The following CFLAR variants were observed in gnomAD, a reference collection of about 807,000 sequenced individuals.
CFLAR encodes CASP8 and FADD like apoptosis regulator, also known as CASP8 and FADD-like apoptosis regulator.
A neutral mutation model predicts 51.1 loss-of-function variants in CFLAR; 14 were observed. The ratio of observed to expected loss-of-function variants is 0.27; its 90% CI spans 0.18 to 0.43. The LOEUF (loss-of-function observed/expected upper bound fraction) is 0.43. CFLAR is among the 20% of genes least tolerant of loss of function. The pLI is 1.00. For missense variants in CFLAR, 390 were observed against 566.5 expected, an observed-to-expected ratio of 0.69 and a Z score of 3.16; for synonymous variants, 210 against 211.6, an observed-to-expected ratio of 0.99 and a Z score of 0.06.
chr2:201,120,029 T>C (rs1005151433), intron 1 of CFLAR, among the ~76,000 whole-genome samples: 5 of 147,626 alleles, frequency 3.4e-5, no homozygotes, highest in Non-Finnish European at 7.5e-5. Flanking sequence ...TTTTCTTTTT[T>C]TTTTTTTTTT....
At chr2:201,137,980 T>C in intron 4 of CFLAR, 1 of 748,368 alleles carries the variant, frequency 1.3e-6, no homozygotes, top group Non-Finnish European at 2.5e-6. Flanking sequence ...TCGGCTATGA[T>C]GGGCACACCA....
chr2:201,143,085 T>C (rs898151395), intron 5 of CFLAR, among the ~76,000 whole-genome samples: 2 of 152,238 alleles, frequency 1.3e-5, no homozygotes, highest in African/African-American at 4.8e-5. Context: ...ATTTTTACTA[T>C]TGTGTTTCTA....
rs532575475 is a variant in CFLAR, at chr2:201,138,562, G to C, written c.524-1795G>C. On this transcript the variant is annotated intron_variant, in intron 4 of 9. Transcript: ENST00000309955. This position sits in a 1 kb window ranked among gnomAD's most constrained non-coding sequence, Gnocchi z 4.0. ...AGGGTGGTGTGGTCCTTCTCAGCAA[G>C]AAAGTCGATGTCTCGGGAGGTGACG... The C allele has an allele frequency of 4.1e-4, 662 of 1,595,860 alleles. 3 individuals are homozygous for C. The African/African-American group carries it at 7.5e-3, about 18-fold the overall frequency.
Position 201,140,406 on chromosome 2 carries a change from A to G in CFLAR, c.573A>G (p.Gln191=). Residue 191 remains glutamine (Q), a synonymous_variant, in exon 5 of 10, where the codon CAA becomes CAG. Transcript: ENST00000309955. ...GGAATGTTCTCCAAGCAGCAATCCA[A>G]AAGAGTCTCAAGGATCCTTCAAATA... is the stretch of plus-strand genomic sequence containing the variant. ...SYRNVLQAAI[Q]KSLKDPSNNF... 1 of 1,610,704 alleles carries G rather than the reference A, an allele frequency of 6.2e-7. No individual in the cohort carries two copies. Among genetic ancestry groups the G allele is most frequent in the Non-Finnish European group, 8.5e-7 (1 of 1,179,280 alleles).
chr2:201,149,851 G>T lies in CFLAR; in HGVS notation c.793+16G>T, dbSNP rs1202205565. On this transcript the variant is annotated intron_variant, in intron 8 of 9. Coordinates refer to ENST00000309955, the MANE Select transcript of CFLAR (RefSeq NM_003879.7). Reference sequence around the variant, plus strand: ...AATGAGACAGGTAGGTGTGGAAGCTGCAGATTAACTGGTGCCCCCAGATTG... The same window carrying T: ...AATGAGACAGGTAGGTGTGGAAGCTTCAGATTAACTGGTGCCCCCAGATTG... 1.3e-6 allele frequency: 2 copies of T among 1,593,370 alleles called. No individual in the cohort carries two copies. Among genetic ancestry groups the T allele is most frequent in the Non-Finnish European group, 1.7e-6 (2 of 1,161,288 alleles).
In CFLAR at chr2:201,167,149, A is replaced by G. The variant is rs1943679065; in HGVS notation, c.*3176A>G. 6.6e-6 allele frequency: 1 copy of G among 152,134 alleles called. No individual in the cohort carries two copies. The highest frequency in any genetic ancestry group is 1.5e-5 in the Non-Finnish European group (1 of 68,034). 9.4% of individuals were successfully genotyped at this position (152,134 alleles called of 1,614,324 possible). On this transcript the variant is annotated 3_prime_UTR_variant, in exon 10 of 10. Transcript: ENST00000309955. ...TGTGTATATTTTGTCATGATCATGT[A>G]ACAGAGTCTGAAAAGTGTCGAAGAG...
intron 5 of CFLAR, among the ~76,000 whole-genome samples, chr2:201,143,015 C>T (rs879642117): frequency 6.6e-6 from 1 of 152,114 alleles, no homozygotes; most frequent in Non-Finnish European, 1.5e-5. Flanking sequence ...TCTGAGCTTT[C>T]TCTGCTATTG....
intron 5 of CFLAR, chr2:201,140,685 A>C (rs1938502246): frequency 5.5e-6 from 2 of 362,600 alleles, no homozygotes; most frequent in Non-Finnish European, 9.9e-6. Context: ...TCCAAAGACA[A>C]CCACTGTTAG....
Position 201,136,020 on chromosome 2 carries a change from C to T in CFLAR, c.436C>T (p.Pro146Ser). 1 of 1,613,826 alleles carries T rather than the reference C, an allele frequency of 6.2e-7. No individual in the cohort carries two copies. Residue 146 changes from proline (P) to serine (S), a missense_variant, in exon 4 of 10, where the codon CCA becomes TCA. Physicochemically the swap from Pro to Ser is moderately conservative, Grantham distance 74. Coordinates refer to ENST00000309955, the MANE Select transcript of CFLAR (RefSeq NM_003879.7). ...VELEKLNLVA[P>S]DQLDLLEKCL... ...GTTGGAGAAACTAAATCTGGTTGCCCCAGATCAACTGGATTTATTAGAAAA... is the reference window on the plus strand; with the variant it reads ...GTTGGAGAAACTAAATCTGGTTGCCTCAGATCAACTGGATTTATTAGAAAA...
intron 5 of CFLAR, among the ~76,000 whole-genome samples, chr2:201,143,807 C>G (rs780377338): frequency 1.3e-5 from 2 of 151,820 alleles, no homozygotes; most frequent in Non-Finnish European, 2.9e-5. Context: ...ACTAAAACTA[C>G]AAAAATTAAC....
intron 6 of CFLAR, among the ~76,000 whole-genome samples, chr2:201,146,931 C>T (rs1559222541): frequency 6.6e-6 from 1 of 152,172 alleles, no homozygotes. Context: ...TAATATTGTG[C>T]TCTCCAGCAA....
chr2:201,138,595 C>T lies in CFLAR; in HGVS notation c.524-1762C>T. On this transcript the variant is annotated intron_variant, in intron 4 of 9. Coordinates refer to ENST00000309955, the MANE Select transcript of CFLAR (RefSeq NM_003879.7). The surrounding 1 kb of genome is among the most constrained non-coding windows in gnomAD (Gnocchi z 4.0). Reference sequence around the variant, plus strand: ...ATGTCTCGGGAGGTGACGATGCCCACCAGCTTGCTGCCCATGGTACCCGTC... The same window carrying T: ...ATGTCTCGGGAGGTGACGATGCCCATCAGCTTGCTGCCCATGGTACCCGTC... 6.3e-7 allele frequency: 1 copy of T among 1,592,370 alleles called. No individual in the cohort carries two copies. Among genetic ancestry groups the T allele is most frequent in the Non-Finnish European group, 8.5e-7 (1 of 1,174,630 alleles).
chr2:201,151,678 C>A (rs1044759873), intron 8 of CFLAR, among the ~76,000 whole-genome samples: 9 of 151,336 alleles, frequency 5.9e-5, no homozygotes, highest in Non-Finnish European at 1.2e-4. Flanking sequence ...AGTTTTGTTT[C>A]ATTCATCAGT....
At chr2:201,148,154 G>T (rs1210871785) in intron 6 of CFLAR, 1 of 151,904 alleles carries the variant, frequency 6.6e-6, no homozygotes, top group Non-Finnish European at 1.5e-5. Flanking sequence ...ATTAATGTTT[G>T]ATTTTTATGC....
intron 4 of CFLAR, chr2:201,137,729 C>G (rs2050335104): frequency 2.5e-6 from 2 of 793,066 alleles, no homozygotes; most frequent in African/African-American, 3.4e-5. Flanking sequence ...GGATGGAGCC[C>G]AAGACATCCT....
At chr2:201,125,379 G>A (rs2048578464) in intron 1 of CFLAR, among the ~76,000 whole-genome samples, 1 of 152,164 alleles carries the variant, frequency 6.6e-6, no homozygotes, top group Admixed American at 6.6e-5. Flanking sequence ...GTAGGTCTAG[G>A]GGACCCTCAG....
In CFLAR at chr2:201,170,410, C is replaced by G. The variant is rs1455661832; in HGVS notation, c.*6437C>G. ...TTCTATTTTAAATTCATAAAGAATTCTAACAAGAGGAATTCCAAGAATGTC... is the reference window on the plus strand; with the variant it reads ...TTCTATTTTAAATTCATAAAGAATTGTAACAAGAGGAATTCCAAGAATGTC... On this transcript the variant is annotated 3_prime_UTR_variant, in exon 10 of 10. Coordinates refer to ENST00000309955, the MANE Select transcript of CFLAR (RefSeq NM_003879.7). The G allele has an allele frequency of 7.8e-6, 1 of 128,270 alleles. No individual in the cohort carries two copies. Among genetic ancestry groups the G allele is most frequent in the Non-Finnish European group, 1.9e-5 (1 of 53,764 alleles). 7.9% of individuals were successfully genotyped at this position (128,270 alleles called of 1,614,324 possible). A position where few individuals can be genotyped will look rare whatever the true frequency, so the allele number is the denominator to read the frequency against.
rs1197262849 is a variant in CFLAR, at chr2:201,172,024, C to T, written c.*8051C>T. On this transcript the variant is annotated 3_prime_UTR_variant, in exon 10 of 10. Coordinates refer to ENST00000309955, the MANE Select transcript of CFLAR (RefSeq NM_003879.7). ...ATCTCTTCCATTGGAATTATCGCCC[C>T]CTCTCCTGAACAGTACTATTTCGTG... The T allele has an allele frequency of 6.6e-6, 1 of 152,212 alleles. No individual in the cohort carries two copies. Among genetic ancestry groups the T allele is most frequent in the African/African-American group, 2.4e-5 (1 of 41,444 alleles). 9.4% of individuals were successfully genotyped at this position (152,212 alleles called of 1,614,324 possible).
In CFLAR at chr2:201,164,139, C is replaced by A; in HGVS notation, c.*166C>A. On this transcript the variant is annotated 3_prime_UTR_variant, in exon 10 of 10. Transcript: ENST00000309955. The stretch of plus-strand genomic sequence containing the variant: ...AATTAGCTGGGTGTGGGTGTGGGTA[C>A]CTGTATTCCCAGTTACTTGGGAGGC... The A allele has an allele frequency of 4.0e-6, 2 of 497,090 alleles. No individual in the cohort carries two copies. The highest frequency in any genetic ancestry group is 7.1e-6 in the Non-Finnish European group (2 of 283,314). 30.8% of individuals were successfully genotyped at this position (497,090 alleles called of 1,614,324 possible).
Sources: allele counts gnomAD v4.1 joint callset (sites outside exome capture counted in the v4.1 genomes callset), GRCh38; gene constraint gnomAD v4.1.1; non-coding constraint Gnocchi (gnomAD v3.1); transcripts MANE v1.5; gene names NCBI Gene and HGNC (gene_info 2026-07-23, HGNC 2026-07-21).